TENM4: variants seen among roughly 807,000 people sequenced by gnomAD.
The protein encoded by TENM4 is teneurin-4.
A neutral mutation model predicts 243.3 loss-of-function variants in TENM4; 82 were observed. The observed-to-expected ratio is 0.34, with a 90% CI of 0.28 to 0.40. The LOEUF (loss-of-function observed/expected upper bound fraction) is 0.40. Among genes scored for constraint, TENM4 ranks in the 10% least tolerant of loss-of-function variants. The pLI, the probability that TENM4 is intolerant of heterozygous loss-of-function variation, is 1.00. For missense variants in TENM4, 3,138 were observed against 3,673.3 expected, an observed-to-expected ratio of 0.85 and a Z score of 3.77; for synonymous variants, 1,412 against 1,456.3, an observed-to-expected ratio of 0.97 and a Z score of 0.69.
intron 18 of TENM4, among the ~76,000 whole-genome samples, chr11:78,766,706 AT>A (rs10678115): frequency 3.2e-4 from 46 of 144,146 alleles, no homozygotes; most frequent in South Asian, 8.9e-4. Context: ...GGCTCCCCCA[AT>A]TTTTTTTTTT....
At chr11:78,763,696 A>G (rs1361458273) in intron 18 of TENM4, among the ~76,000 whole-genome samples, 2 of 152,166 alleles carry the variant, frequency 1.3e-5, no homozygotes, top group Non-Finnish European at 2.9e-5. Context: ...TCTCCCCTGT[A>G]TCTGCCCCTC....
At position 78,670,358 on chromosome 11, in the gene TENM4, C is replaced by T. The variant is rs777073450; in HGVS notation, c.5987G>A (p.Gly1996Glu). The change falls in exon 32 of 34, where the codon GGG becomes GAG. Residue 1996 changes from glycine to glutamate, a missense_variant. Coordinates refer to ENST00000278550, the MANE Select transcript of TENM4 (RefSeq NM_001098816.3). ...CAGGTAGAAGGTGTGAAGGAGGTGCCCATCCTCAGTGAAGTCCTGTATGAC... is the reference window on the plus strand; with the variant it reads ...CAGGTAGAAGGTGTGAAGGAGGTGCTCATCCTCAGTGAAGTCCTGTATGAC... Reference protein sequence around the residue: ...ASVIQDFTEDGHLLHTFYLGT... With the variant: ...ASVIQDFTEDEHLLHTFYLGT... The T allele has an allele frequency of 2.5e-6, 4 of 1,613,864 alleles. No homozygotes were observed. The South Asian group carries it at 4.4e-5, about 18-fold the overall frequency.
intron 2 of TENM4, among the ~76,000 whole-genome samples, chr11:79,253,848 C>A (rs1409177845): frequency 6.6e-6 from 1 of 152,044 alleles, no homozygotes; most frequent in Non-Finnish European, 1.5e-5. Context: ...TATCTCCAAT[C>A]CAGTAGAAAA....
chr11:78,708,371 T>C lies in TENM4; in HGVS notation c.4199A>G (p.Asp1400Gly), dbSNP rs748505989. Residue 1400 changes from aspartate to glycine, a missense_variant, in exon 27 of 34, where the codon GAT becomes GGT. This residue lies in a region of TENM4 where 2,467 missense variants were observed against 3,059.1 expected (regional missense o/e 0.81). Transcript: ENST00000278550. ...ARPLSCDSVM[D>G]ISQVHLEWPT... The stretch of plus-strand genomic sequence containing the variant: ...ATGAAGCCATCTTACCTGGGAAATA[T>C]CCATGACAGAATCACAGCTGAGTGG... The C allele has an allele frequency of 3.1e-6, 5 of 1,613,898 alleles. No individual in the cohort carries two copies. In the African/African-American group the frequency reaches 6.7e-5, roughly 22 times the overall value.
chr11:79,432,786 T>C (rs549009320), intron 1 of TENM4, among the ~76,000 whole-genome samples: 1 of 152,348 alleles, frequency 6.6e-6, no homozygotes, highest in South Asian at 2.1e-4. Flanking sequence ...ATTATCAGTT[T>C]GAATTACATG....
intron 6 of TENM4, among the ~76,000 whole-genome samples, chr11:78,987,323 G>A (rs1049546682): frequency 1.2e-4 from 18 of 152,060 alleles, no homozygotes; most frequent in African/African-American, 4.3e-4. Flanking sequence ...AAAAACTATT[G>A]ATAAATGCAA....
At chr11:78,896,594 G>A (rs941028574) in intron 7 of TENM4, among the ~76,000 whole-genome samples, 4 of 152,076 alleles carry the variant, frequency 2.6e-5, no homozygotes, top group African/African-American at 7.2e-5. Flanking sequence ...CTGTGCTCCC[G>A]CTTGAGCCAA....
At chr11:79,264,727 T>C (rs918302914) in intron 2 of TENM4, among the ~76,000 whole-genome samples, 1 of 152,234 alleles carries the variant, frequency 6.6e-6, no homozygotes, top group African/African-American at 2.4e-5. Context: ...TAGAAAATAC[T>C]TGGATCCCAT....
intron 28 of TENM4, among the ~76,000 whole-genome samples, chr11:78,699,053 G>A (rs945465642): frequency 6.6e-6 from 1 of 152,092 alleles, no homozygotes; most frequent in African/African-American, 2.4e-5. Flanking sequence ...TTTACTTGCA[G>A]TTGCTCCTGG....
chr11:79,237,976 C>T lies in TENM4; in HGVS notation c.-264-22067G>A, dbSNP rs555214013. 3.3e-5 allele frequency among the ~76,000 whole-genome samples: 5 copies of T among 152,284 alleles called. No individual in the cohort carries two copies. The East Asian group carries it at 5.8e-4, about 18-fold the overall frequency. On this transcript the variant is annotated intron_variant, in intron 2 of 33. Coordinates refer to ENST00000278550, the MANE Select transcript of TENM4 (RefSeq NM_001098816.3). ...AAGGGAAAAAAGCCCAACACTTCCTCGCTACAGCCACCGAGCTGCTAAATC... is the reference window on the plus strand; with the variant it reads ...AAGGGAAAAAAGCCCAACACTTCCTTGCTACAGCCACCGAGCTGCTAAATC...
chr11:79,304,876 T>C (rs1301522220), intron 1 of TENM4, among the ~76,000 whole-genome samples: 1 of 152,198 alleles, frequency 6.6e-6, no homozygotes, highest in East Asian at 1.9e-4. Flanking sequence ...GCAGCAGAAA[T>C]AACAGATTTT....
At chr11:79,238,664 T>C (rs866270584) in intron 2 of TENM4, among the ~76,000 whole-genome samples, 17 of 149,752 alleles carry the variant, frequency 1.1e-4, no homozygotes, top group African/African-American at 4.2e-4. Context: ...ATAAATCTCT[T>C]TCTCTCTCTC....
chr11:79,310,235 T>C (rs542376675), intron 1 of TENM4, among the ~76,000 whole-genome samples: 12 of 152,260 alleles, frequency 7.9e-5, no homozygotes, highest in Admixed American at 2.0e-4. Context: ...CCTCTCTCAG[T>C]GGCATAAGGA....
In TENM4 at chr11:78,869,412, G is replaced by A. The variant is rs148063974; in HGVS notation, c.1085-6280C>T. Among the ~76,000 whole-genome samples the A allele has an allele frequency of 6.6e-5, 10 of 152,320 alleles. No homozygotes were observed. In the East Asian group the frequency reaches 1.9e-3, roughly 29 times the overall value. ...TGACCTCAGGATTTGAATTACAGCA[G>A]ACGATTATTTCCTAGTTTCCAAACT... On this transcript the variant is annotated intron_variant, in intron 9 of 33. Coordinates refer to ENST00000278550, the MANE Select transcript of TENM4 (RefSeq NM_001098816.3).
At chr11:79,024,543 A>G (rs1376720085) in intron 6 of TENM4, among the ~76,000 whole-genome samples, 1 of 152,214 alleles carries the variant, frequency 6.6e-6, no homozygotes, top group African/African-American at 2.4e-5. Context: ...ACACCATAAA[A>G]TCAGATATAT....
chr11:78,862,251 C>T (rs1424590037), intron 10 of TENM4, among the ~76,000 whole-genome samples: 41 of 152,134 alleles, frequency 2.7e-4, no homozygotes, highest in Admixed American at 2.6e-3. Flanking sequence ...CAGACTCTAC[C>T]ATTTACTGGC....
At chr11:78,786,234 GGAGACAAATGCA>G (rs1354144978) in intron 16 of TENM4, among the ~76,000 whole-genome samples, 1 of 152,258 alleles carries the variant, frequency 6.6e-6, no homozygotes, top group African/African-American at 2.4e-5. Context: ...GGAGGGGAAA[GGAGACAAATGCA>G]GACAGGATGG....
intron 4 of TENM4, among the ~76,000 whole-genome samples, chr11:79,079,155 G>A (rs1016098015): frequency 2.0e-5 from 3 of 152,220 alleles, no homozygotes; most frequent in African/African-American, 7.2e-5. Context: ...GTGGAGTGTG[G>A]CTGTGTGCCC....
chr11:79,316,328 G>A (rs1181778568), intron 1 of TENM4, among the ~76,000 whole-genome samples: 2 of 152,158 alleles, frequency 1.3e-5, no homozygotes, highest in East Asian at 3.8e-4. Flanking sequence ...TATAAACAAG[G>A]CTGGTTTCGA....
Sources: gnomAD v4.1 joint callset for allele counts (sites outside exome capture counted in the v4.1 genomes callset) on GRCh38, gnomAD v4.1.1 for gene constraint, gnomAD v4.1.1 regional missense constraint, MANE v1.5 for transcripts, NCBI Gene and HGNC (gene_info 2026-07-23, HGNC 2026-07-21) for gene names.